Variants in SMOC2 observed in about 807,000 individuals in gnomAD.
The protein encoded by SMOC2 is SPARC-related modular calcium-binding protein 2.
In SMOC2, 39 loss-of-function variants were observed where a neutral mutation model predicts 61.4. That is an observed-to-expected ratio of 0.64 (90% CI 0.49 to 0.83). The LOEUF (loss-of-function observed/expected upper bound fraction) is 0.83. SMOC2 is among the 40% of genes least tolerant of loss of function. SMOC2 has a pLI of 0.00. For missense variants in SMOC2, 556 were observed against 592.9 expected, an observed-to-expected ratio of 0.94 and a Z score of 0.65; for synonymous variants, 247 against 239.9, an observed-to-expected ratio of 1.03 and a Z score of -0.27.
chr6:168,544,456 TGAGGTCAG>T lies in SMOC2; in HGVS notation c.511+788_511+795del, dbSNP rs1422134680. ...ACCAGGCCGAGGCAGGCAGATCACC[TGAGGTCAG>T]GAGTTTGAGACCAGCCTGGCCAAAA... On this transcript the variant is annotated intron_variant, in intron 5 of 12. Coordinates refer to ENST00000356284, the MANE Select transcript of SMOC2 (RefSeq NM_001166412.2). This position sits in a 1 kb window ranked among gnomAD's most constrained non-coding sequence, Gnocchi z 4.1. 6.6e-6 allele frequency among the ~76,000 whole-genome samples: 1 copy of T among 152,110 alleles called. No individual in the cohort carries two copies. Among genetic ancestry groups the T allele is most frequent in the Non-Finnish European group, 1.5e-5 (1 of 68,026 alleles).
chr6:168,515,318 C>T (rs1484519808), intron 2 of SMOC2, among the ~76,000 whole-genome samples: 4 of 152,180 alleles, frequency 2.6e-5, no homozygotes, highest in African/African-American at 9.7e-5. Flanking sequence ...CTGCAGCTGC[C>T]AAGGCGGCAA....
Position 168,555,924 on chromosome 6 carries a change from C to G in SMOC2, c.637+6721C>G, listed in dbSNP as rs1350980566. 2.0e-5 allele frequency among the ~76,000 whole-genome samples: 3 copies of G among 152,186 alleles called. No homozygotes were observed. In the East Asian group the frequency reaches 5.8e-4, roughly 29 times the overall value. On this transcript the variant is annotated intron_variant, in intron 7 of 12. Transcript: ENST00000356284. ...CCCTTACCAGCAGGGTGGGCGGCTG[C>G]TGGATGGGTCGGGGCCAGACACCGC...
rs1787663657 is a variant in SMOC2 at position 168,666,431 on chromosome 6, A to T, written c.1334A>T (p.Gln445Leu). ...TTTTTTCCTTTTCAGCCAAGGAAAC[A>T]AGGATAAATGGCTCATACCCCGAAG... ...ESTSNRQPRK[Q>L]G Residue 445 changes from glutamine (Q) to leucine (L), a missense_variant, in exon 13 of 13, where the codon CAA becomes CTA. Physicochemically the swap from Gln to Leu is moderately radical, Grantham distance 113 (BLOSUM62 -2). Transcript: ENST00000356284. 6.2e-7 allele frequency: 1 copy of T among 1,613,936 alleles called. No homozygotes were observed. Among genetic ancestry groups the T allele is most frequent in the Non-Finnish European group, 8.5e-7 (1 of 1,180,024 alleles).
Position 168,568,283 on chromosome 6 carries a change from G to A in SMOC2, c.637+19080G>A, listed in dbSNP as rs115072853. On this transcript the variant is annotated intron_variant, in intron 7 of 12. Coordinates refer to ENST00000356284, the MANE Select transcript of SMOC2 (RefSeq NM_001166412.2). ...ATGTCTTCTCCTCAGGGGTGGAACA[G>A]TATTTTCTTTTTCACAGACTTTATT... Among the ~76,000 whole-genome samples the A allele has an allele frequency of 5.2e-3, 790 of 152,336 alleles. 5 individuals are homozygous for A. Among genetic ancestry groups the A allele is most frequent in the African/African-American group, 0.018 (754 of 41,576 alleles).
chr6:168,447,011 C>T (rs551232212), intron 1 of SMOC2, among the ~76,000 whole-genome samples: 14 of 152,304 alleles, frequency 9.2e-5, no homozygotes, highest in Non-Finnish European at 1.3e-4. Context: ...GTCCAGGCTA[C>T]GTTCTCCTTC....
intron 7 of SMOC2, among the ~76,000 whole-genome samples, chr6:168,589,410 G>A (rs993881982): frequency 6.6e-6 from 1 of 152,256 alleles, no homozygotes; most frequent in Non-Finnish European, 1.5e-5. Context: ...ATTCAACCAC[G>A]CAGCTGCCAG....
intron 9 of SMOC2, among the ~76,000 whole-genome samples, chr6:168,647,969 T>C (rs2115269366): frequency 6.9e-6 from 1 of 145,692 alleles, no homozygotes; most frequent in Non-Finnish European, 1.5e-5. Flanking sequence ...GCAGCTTTTA[T>C]ATTATGTTAG....
At chr6:168,626,766 C>G (rs1786422027) in intron 9 of SMOC2, among the ~76,000 whole-genome samples, 1 of 152,220 alleles carries the variant, frequency 6.6e-6, no homozygotes, top group South Asian at 2.1e-4. Flanking sequence ...AGTGGCATCA[C>G]TCAGATTCCA....
At chr6:168,576,213 A>G (rs1784800949) in intron 7 of SMOC2, among the ~76,000 whole-genome samples, 1 of 151,990 alleles carries the variant, frequency 6.6e-6, no homozygotes, top group Non-Finnish European at 1.5e-5. Flanking sequence ...ATAACACACA[A>G]CCCTTATTCT....
intron 4 of SMOC2, among the ~76,000 whole-genome samples, chr6:168,541,326 C>T (rs1021507887): frequency 3.3e-5 from 5 of 152,154 alleles, no homozygotes; most frequent in South Asian, 2.1e-4. Context: ...GCCTCCAGCC[C>T]GGGGTTCACA....
At chr6:168,563,428 C>T (rs763838981) in intron 7 of SMOC2, among the ~76,000 whole-genome samples, 3 of 152,020 alleles carry the variant, frequency 2.0e-5, no homozygotes, top group East Asian at 1.9e-4. Context: ...TACACACACA[C>T]GTACATAGAT....
chr6:168,463,309 T>G (rs921941687), intron 1 of SMOC2, among the ~76,000 whole-genome samples: 8 of 152,192 alleles, frequency 5.3e-5, no homozygotes, highest in Non-Finnish European at 4.4e-5. Flanking sequence ...ATCAAGGCGT[T>G]AGAAGATGAT....
intron 9 of SMOC2, among the ~76,000 whole-genome samples, chr6:168,613,150 G>A (rs1006689910): frequency 2.6e-5 from 4 of 152,194 alleles, no homozygotes; most frequent in Non-Finnish European, 5.9e-5. Flanking sequence ...GACGATCTGC[G>A]CTGCGTGCAG....
chr6:168,566,902 T>A (rs1784557101), intron 7 of SMOC2, among the ~76,000 whole-genome samples: 1 of 152,162 alleles, frequency 6.6e-6, no homozygotes. Context: ...GCAAACTGTT[T>A]GGAAGACACT....
chr6:168,547,279 T>A, intron 6 of SMOC2, 110 bp downstream of exon 6: 1 of 855,064 alleles, frequency 1.2e-6, no homozygotes, highest in Non-Finnish European at 2.0e-6. Context: ...CAGTATGGAG[T>A]GTAACATGCC....
intron 11 of SMOC2, among the ~76,000 whole-genome samples, chr6:168,656,006 T>C (rs1787313995): frequency 6.6e-6 from 1 of 152,292 alleles, no homozygotes; most frequent in African/African-American, 2.4e-5. Context: ...ACTGCACATG[T>C]GTGCTGGATC....
intron 1 of SMOC2, among the ~76,000 whole-genome samples, chr6:168,490,491 G>A (rs1424015186): frequency 6.6e-6 from 1 of 152,168 alleles, no homozygotes; most frequent in Admixed American, 6.5e-5. Context: ...TTGATGGCCT[G>A]CACGCCCACC....
intron 6 of SMOC2, among the ~76,000 whole-genome samples, chr6:168,547,703 G>A (rs1413726106): frequency 6.6e-6 from 1 of 151,998 alleles, no homozygotes; most frequent in Non-Finnish European, 1.5e-5. Flanking sequence ...GGGTAAATGT[G>A]TATCTAAACA....
intron 11 of SMOC2, among the ~76,000 whole-genome samples, chr6:168,658,259 T>G (rs1341408811): frequency 6.6e-6 from 1 of 152,208 alleles, no homozygotes; most frequent in African/African-American, 2.4e-5. Flanking sequence ...CTGCATGTGA[T>G]GAGTGACACC....
Sources: gnomAD v4.1 joint callset for allele counts (sites outside exome capture counted in the v4.1 genomes callset) on GRCh38, gnomAD v4.1.1 for gene constraint, Gnocchi (gnomAD v3.1) non-coding constraint, MANE v1.5 for transcripts, NCBI Gene and HGNC (gene_info 2026-07-23, HGNC 2026-07-21) for gene names.